The following GBGT1 variants were observed in gnomAD, a reference collection of about 807,000 sequenced individuals.
GBGT1 encodes globoside alpha-1,3-N-acetylgalactosaminyltransferase 1 (FORS blood group).
Under a neutral mutation model 20.9 loss-of-function variants are expected in GBGT1, and 18 were observed. That is an observed-to-expected ratio of 0.86 (90% CI 0.60 to 1.28). The LOEUF is 1.28. Among genes scored for constraint, GBGT1 ranks in the 50% most tolerant of loss-of-function variants. The pLI is 0.00. For missense variants in GBGT1, 432 were observed against 455.7 expected (o/e 0.95, Z 0.47); for synonymous variants, 168 against 180.8 (o/e 0.93, Z 0.57).
chr9:133,162,658 A>G (rs1833091158), intron 1 of GBGT1, 126 bp from the exon 2 acceptor site: 2 of 528,774 alleles, frequency 3.8e-6, no homozygotes, highest in Admixed American at 6.4e-5. Context: ...CTCTTGTCTC[A>G]GCCTCCTGAG....
chr9:133,159,246 C>T (rs560755688), intron 3 of GBGT1, among the ~76,000 whole-genome samples: 16 of 152,354 alleles, frequency 1.1e-4, no homozygotes, highest in African/African-American at 3.8e-4. Flanking sequence ...CAGGCATAAG[C>T]CGCTACACCC....
chr9:133,162,397 G>T lies in GBGT1; in HGVS notation c.16C>A (p.Leu6Met). The T allele has an allele frequency of 1.9e-6, 3 of 1,608,850 alleles. No homozygotes were observed. The highest frequency in any genetic ancestry group is 2.5e-6 in the Non-Finnish European group (3 of 1,178,638). The stretch of plus-strand genomic sequence containing the variant: ...AGGCAGAACCCCAGACCCAGGGCCA[G>T]TCTCCGGCGATGCATTGCTGGGGGC... Reference protein sequence around the residue: MHRRRLALGLGFCLLA... With the variant: MHRRRMALGLGFCLLA... Residue 6 changes from leucine to methionine, a missense_variant, in exon 2 of 7, where the codon CTG becomes ATG. Physicochemically the swap from Leu to Met is conservative, Grantham distance 15. Coordinates refer to ENST00000372040, the MANE Select transcript of GBGT1 (RefSeq NM_021996.6).
chr9:133,155,704 A>G (rs898988141), intron 5 of GBGT1, among the ~76,000 whole-genome samples, 197 bp downstream of exon 5: 3 of 152,130 alleles, frequency 2.0e-5, no homozygotes, highest in African/African-American at 7.2e-5. Flanking sequence ...GCACAGAAAA[A>G]GCTCAGAGCA....
chr9:133,153,932 C>T lies in GBGT1; in HGVS notation c.689G>A (p.Ser230Asn). ...CTGCTGGCGGGGAACGGCGTAGTAG[C>T]TTGGGTGAATGGCAGCCACCAGGTC... ...LGDLVAAIHP[S>N]YYAVPRQQFP... The change falls in exon 7 of 7, where the codon AGC (serine) becomes AAC (asparagine). Residue 230 changes from serine (S) to asparagine (N), a missense_variant. Ser to Asn is a conservative substitution (Grantham distance 46, BLOSUM62 1). Coordinates refer to ENST00000372040, the MANE Select transcript of GBGT1 (RefSeq NM_021996.6). The T allele has an allele frequency of 6.2e-7, 1 of 1,610,292 alleles. No individual in the cohort carries two copies. The highest frequency in any genetic ancestry group is 8.5e-7 in the Non-Finnish European group (1 of 1,176,976).
At chr9:133,161,381 A>C (rs1404589305) in intron 3 of GBGT1, 86 bp downstream of exon 3, 1 of 719,496 alleles carries the variant, frequency 1.4e-6, no homozygotes, top group African/African-American at 1.8e-5. Context: ...GAACCGGCAG[A>C]TGAAGTGAAC....
chr9:133,154,169 G>C lies in GBGT1; in HGVS notation c.452C>G (p.Pro151Arg), dbSNP rs771865093. The change falls in exon 7 of 7, where the codon CCT (proline) becomes CGT (arginine). Residue 151 changes from proline (P) to arginine (R), a missense_variant. Coordinates refer to ENST00000372040, the MANE Select transcript of GBGT1 (RefSeq NM_021996.6). This position sits in a 1 kb window ranked among gnomAD's most constrained non-coding sequence, Gnocchi z 4.2. Reference sequence around the variant, plus strand: ...CAGCGGGACCCCGGGAACGGCTGCAGGGTTGTCAGTGAAGATGTAGTAGTG... The same window carrying C: ...CAGCGGGACCCCGGGAACGGCTGCACGGTTGTCAGTGAAGATGTAGTAGTG... ...RVHYYIFTDN[P>R]AAVPGVPLGP... 1 of 1,593,722 alleles carries C rather than the reference G, an allele frequency of 6.3e-7. No homozygotes were observed. The highest frequency in any genetic ancestry group is 8.6e-7 in the Non-Finnish European group (1 of 1,165,270).
intron 3 of GBGT1, among the ~76,000 whole-genome samples, chr9:133,158,314 T>C (rs1832934223): frequency 6.6e-6 from 1 of 152,186 alleles, no homozygotes; most frequent in South Asian, 2.1e-4. Context: ...GGTCTATCTG[T>C]GTTGCCCAGG....
In GBGT1 at chr9:133,154,119, T is replaced by C; in HGVS notation, c.502A>G (p.Ile168Val). 1 of 1,610,366 alleles carries C rather than the reference T, an allele frequency of 6.2e-7. No individual in the cohort carries two copies. Among genetic ancestry groups the C allele is most frequent in the Non-Finnish European group, 8.5e-7 (1 of 1,177,626 alleles). ...CAGTGGGAGTGACCCTGGATGGGGA[T>C]GGAGCTGAGAAGCCGGTGGGGACCC... ...PLGPHRLLSS[I>V]PIQGHSHWEE... The change falls in exon 7 of 7, where the codon ATC becomes GTC. Residue 168 changes from isoleucine (I) to valine (V), a missense_variant. Physicochemically the swap from Ile to Val is conservative, Grantham distance 29. Coordinates refer to ENST00000372040, the MANE Select transcript of GBGT1 (RefSeq NM_021996.6). The surrounding 1 kb of genome is among the most constrained non-coding windows in gnomAD (Gnocchi z 4.2).
chr9:133,155,681 C>G (rs962638926), intron 5 of GBGT1, among the ~76,000 whole-genome samples: 8 of 152,204 alleles, frequency 5.3e-5, no homozygotes, highest in African/African-American at 1.9e-4. Context: ...GAGCTAGGCA[C>G]TACTATCCAC....
intron 3 of GBGT1, among the ~76,000 whole-genome samples, chr9:133,160,732 C>T (rs1047301788): frequency 1.7e-4 from 26 of 152,008 alleles, no homozygotes; most frequent in African/African-American, 5.1e-4. Flanking sequence ...GTGACCGGAC[C>T]GATGCAGTAG....
intron 5 of GBGT1, 86 bp from the exon 6 acceptor site, chr9:133,155,398 C>T (rs1229118245): frequency 1.3e-6 from 2 of 1,523,866 alleles, no homozygotes; most frequent in Non-Finnish European, 1.8e-6. Context: ...CACTGTGTGA[C>T]CCGGGGCAGC....
chr9:133,159,830 T>C (rs1408264853), intron 3 of GBGT1, among the ~76,000 whole-genome samples: 2 of 148,434 alleles, frequency 1.3e-5, no homozygotes, highest in African/African-American at 5.0e-5. Flanking sequence ...ATAGACAAAC[T>C]GGAAAGAAAA....
chr9:133,161,420 G>A (rs1240524717), intron 3 of GBGT1, 47 bp downstream of exon 3: 2 of 1,230,068 alleles, frequency 1.6e-6, no homozygotes, highest in Non-Finnish European at 1.2e-6. Context: ...CCCCAACTGT[G>A]AGCAGCCCTC....
At chr9:133,157,601 A>G (rs1832909599) in intron 3 of GBGT1, among the ~76,000 whole-genome samples, 1 of 152,264 alleles carries the variant, frequency 6.6e-6, no homozygotes, top group African/African-American at 2.4e-5. Flanking sequence ...ATCCTGGGCA[A>G]GTCTTGGCAG....
intron 3 of GBGT1, among the ~76,000 whole-genome samples, chr9:133,159,715 T>C (rs1832974313): frequency 6.6e-6 from 1 of 152,098 alleles, no homozygotes; most frequent in African/African-American, 2.4e-5. Context: ...GAGGATCACT[T>C]GAGCCCAGGA....
chr9:133,156,763 T>A (rs1832883007), intron 3 of GBGT1, among the ~76,000 whole-genome samples: 1 of 151,960 alleles, frequency 6.6e-6, no homozygotes, highest in South Asian at 2.1e-4. Context: ...TTGTAGGCAA[T>A]CCTCCTGCCT....
At chr9:133,156,092 T>C in intron 3 of GBGT1, 27 bp from the exon 4 acceptor site, 1 of 1,612,926 alleles carries the variant, frequency 6.2e-7, no homozygotes, top group Non-Finnish European at 8.5e-7. Context: ...GAAAGAGCCA[T>C]CATCATGGGT....
At chr9:133,162,944 C>T (rs1833100361) in intron 1 of GBGT1, among the ~76,000 whole-genome samples, 1 of 152,244 alleles carries the variant, frequency 6.6e-6, no homozygotes, top group South Asian at 2.1e-4. Flanking sequence ...CCGGGCTCAG[C>T]TCTGGCAGCT....
intron 3 of GBGT1, among the ~76,000 whole-genome samples, chr9:133,156,596 G>T (rs938381342): frequency 6.6e-6 from 1 of 151,726 alleles, no homozygotes; most frequent in Non-Finnish European, 1.5e-5. Flanking sequence ...GGAGGCAGAG[G>T]TTGCAGTGAG....
Sources: gnomAD v4.1 joint callset for allele counts (sites outside exome capture counted in the v4.1 genomes callset) on GRCh38, gnomAD v4.1.1 for gene constraint, Gnocchi (gnomAD v3.1) non-coding constraint, MANE v1.5 for transcripts, NCBI Gene and HGNC (gene_info 2026-07-23, HGNC 2026-07-21) for gene names.